Variants in UPP2 observed in about 807,000 individuals in gnomAD.
The protein encoded by UPP2 is uridine phosphorylase 2, also known as UPase 2.
A neutral mutation model predicts 26.7 loss-of-function variants in UPP2; 23 were observed. The observed-to-expected ratio is 0.86, with a 90% CI of 0.62 to 1.22. The LOEUF (loss-of-function observed/expected upper bound fraction) is 1.22. Among genes scored for constraint, UPP2 ranks in the 50% most tolerant of loss-of-function variants. The pLI, the probability that UPP2 is intolerant of heterozygous loss-of-function variation, is 0.00. For missense variants in UPP2, 387 were observed against 396.7 expected (o/e 0.98, Z 0.21); for synonymous variants, 127 against 141.3 (o/e 0.90, Z 0.72).
At chr2:158,062,163 A>G (rs1353607194) in intron 3 of UPP2, among the ~76,000 whole-genome samples, 1 of 152,228 alleles carries the variant, frequency 6.6e-6, no homozygotes, top group Non-Finnish European at 1.5e-5. Context: ...ACTGCTGTCT[A>G]ATAGAACTTT....
At chr2:158,004,423 G>GA (rs1683458386) in intron 2 of UPP2, among the ~76,000 whole-genome samples, 1 of 151,954 alleles carries the variant, frequency 6.6e-6, no homozygotes, top group Non-Finnish European at 1.5e-5. Flanking sequence ...CTAATCTATG[G>GA]AAAAATGGAT....
chr2:158,003,894 T>A (rs1366389282), intron 2 of UPP2, among the ~76,000 whole-genome samples: 4 of 152,152 alleles, frequency 2.6e-5, no homozygotes, highest in African/African-American at 9.7e-5. Context: ...AACATTTCTC[T>A]AAGTGCTGGA....
chr2:158,062,078 T>C (rs1428336042), intron 3 of UPP2, among the ~76,000 whole-genome samples: 1 of 152,248 alleles, frequency 6.6e-6, no homozygotes, highest in Non-Finnish European at 1.5e-5. Context: ...TATTGAATAA[T>C]TGTGACAGAG....
intron 3 of UPP2, among the ~76,000 whole-genome samples, chr2:158,041,041 T>C (rs1019323958): frequency 1.3e-5 from 2 of 152,202 alleles, no homozygotes; most frequent in African/African-American, 4.8e-5. Flanking sequence ...AAAATGGTGC[T>C]AATAGCTGCT....
chr2:158,122,306 C>T (rs1460277086), intron 5 of UPP2, among the ~76,000 whole-genome samples: 1 of 152,056 alleles, frequency 6.6e-6, no homozygotes, highest in Non-Finnish European at 1.5e-5. Flanking sequence ...TTTCAAAATC[C>T]ATACTATTTC....
intron 4 of UPP2, among the ~76,000 whole-genome samples, chr2:158,120,352 T>C (rs1411032705): frequency 6.6e-6 from 1 of 152,044 alleles, no homozygotes; most frequent in African/African-American, 2.4e-5. Flanking sequence ...AATAAAACTT[T>C]ATTTACAAAG....
At chr2:158,131,208 G>C (rs900881545) in intron 6 of UPP2, among the ~76,000 whole-genome samples, 2 of 152,220 alleles carry the variant, frequency 1.3e-5, no homozygotes, top group African/African-American at 4.8e-5. Context: ...AGAAAGGCCA[G>C]GCTGGGAACT....
chr2:158,093,947 T>A (rs13416620), intron 3 of UPP2, among the ~76,000 whole-genome samples: 3,728 of 150,478 alleles, frequency 0.025, 157 homozygotes, highest in African/African-American at 0.083. Context: ...GTTTTAAAAA[T>A]ATATATATAG....
Position 158,072,898 on chromosome 2 carries a change from G to A in UPP2, c.148-29142G>A, listed in dbSNP as rs571925987. ...GCCCAGACTGTGTAGACTACAATGA[G>A]TACCTAAATTTTCAATGCCCAGGCA... On this transcript the variant is annotated intron_variant, in intron 3 of 9. Transcript: ENST00000605860. 2.0e-5 allele frequency among the ~76,000 whole-genome samples: 3 copies of A among 152,124 alleles called. No homozygotes were observed. The East Asian group carries it at 5.8e-4, about 30-fold the overall frequency.
chr2:158,072,411 C>T (rs975133316), intron 3 of UPP2, among the ~76,000 whole-genome samples: 6 of 152,118 alleles, frequency 3.9e-5, no homozygotes, highest in Non-Finnish European at 7.4e-5. Context: ...AACTTGCTGC[C>T]CTAACAGAAA....
chr2:158,128,755 C>T (rs1237839682), intron 6 of UPP2, among the ~76,000 whole-genome samples: 1 of 152,130 alleles, frequency 6.6e-6, no homozygotes, highest in Non-Finnish European at 1.5e-5. Context: ...ATGTGCACCA[C>T]TAAAAGTCAA....
intron 3 of UPP2, among the ~76,000 whole-genome samples, chr2:158,032,530 G>T (rs1478816178): frequency 6.6e-6 from 1 of 152,152 alleles, no homozygotes; most frequent in East Asian, 1.9e-4. Flanking sequence ...AGCTGTGGGT[G>T]GTGAGGGCAG....
intron 3 of UPP2, among the ~76,000 whole-genome samples, chr2:158,066,343 G>T (rs930393849): frequency 6.6e-6 from 1 of 152,198 alleles, no homozygotes; most frequent in Admixed American, 6.5e-5. Flanking sequence ...CCGAAATCAT[G>T]CAGTATTGAG....
intron 3 of UPP2, among the ~76,000 whole-genome samples, chr2:158,089,648 T>A (rs1682875190): frequency 6.6e-6 from 1 of 152,216 alleles, no homozygotes; most frequent in African/African-American, 2.4e-5. Flanking sequence ...ATGGCATCCC[T>A]GGAGAATGAA....
chr2:158,013,937 C>T (rs986740158), intron 2 of UPP2, among the ~76,000 whole-genome samples: 1 of 152,182 alleles, frequency 6.6e-6, no homozygotes, highest in Non-Finnish European at 1.5e-5. Flanking sequence ...ACTGTCTGCT[C>T]CTAACAGTTA....
intron 3 of UPP2, among the ~76,000 whole-genome samples, chr2:158,057,977 T>C (rs1056837603): frequency 3.9e-5 from 6 of 152,048 alleles, no homozygotes; most frequent in Non-Finnish European, 7.4e-5. Flanking sequence ...TTTAATCCAA[T>C]AGGACTAGTG....
At chr2:158,133,928 C>T (rs1023630481) in intron 6 of UPP2, 31 of 152,224 alleles carry the variant, frequency 2.0e-4, no homozygotes, top group Admixed American at 1.7e-3. Context: ...TGGGTAACCA[C>T]ATTCCTTGAA....
chr2:157,995,290 T>G (rs1169032607), intron 2 of UPP2: 1 of 1,609,122 alleles, frequency 6.2e-7, no homozygotes, highest in Non-Finnish European at 8.5e-7. Flanking sequence ...AATACATTCA[T>G]GTCTAAGCAC....
chr2:158,113,397 A>G (rs1683359573), intron 2 of UPP2, among the ~76,000 whole-genome samples: 1 of 152,226 alleles, frequency 6.6e-6, no homozygotes, highest in Non-Finnish European at 1.5e-5. Flanking sequence ...AGAATTATCA[A>G]TAACTAGTTT....
Sources: gnomAD v4.1 joint callset for allele counts (sites outside exome capture counted in the v4.1 genomes callset) on GRCh38, gnomAD v4.1.1 for gene constraint, MANE v1.5 for transcripts, NCBI Gene and HGNC (gene_info 2026-07-23, HGNC 2026-07-21) for gene names.